MAN1C1: variants seen among roughly 807,000 people sequenced by gnomAD.
MAN1C1 encodes the protein mannosidase alpha class 1C member 1.
MAN1C1 carries 49 observed loss-of-function variants against 71.5 expected under a neutral mutation model. The ratio of observed to expected loss-of-function variants is 0.69; its 90% CI spans 0.54 to 0.87. The LOEUF (loss-of-function observed/expected upper bound fraction) is 0.87. Among genes scored for constraint, MAN1C1 ranks in the 40% least tolerant of loss-of-function variants. The pLI, the probability that MAN1C1 is intolerant of heterozygous loss-of-function variation, is 0.00. For missense variants in MAN1C1, 743 were observed against 835.0 expected, an observed-to-expected ratio of 0.89 and a Z score of 1.36; for synonymous variants, 352 against 343.7, an observed-to-expected ratio of 1.02 and a Z score of -0.27.
intron 2 of MAN1C1, among the ~76,000 whole-genome samples, chr1:25,692,305 G>A (rs905748580): frequency 1.3e-5 from 2 of 152,222 alleles, no homozygotes; most frequent in Non-Finnish European, 2.9e-5. Flanking sequence ...TCTCTTAGGA[G>A]GTGTATGATT....
At chr1:25,734,953 C>T (rs142957724) in intron 2 of MAN1C1, among the ~76,000 whole-genome samples, 2,571 of 152,310 alleles carry the variant, frequency 0.017, 31 homozygotes, top group Middle Eastern at 0.082. Flanking sequence ...AACATTTTAT[C>T]TAGAAGTTAA....
chr1:25,755,200 A>ACCT (rs2047270295), intron 5 of MAN1C1, among the ~76,000 whole-genome samples: 1 of 151,966 alleles, frequency 6.6e-6, no homozygotes. Flanking sequence ...TGTGAGCTGC[A>ACCT]CCTCCTCACT....
intron 1 of MAN1C1, among the ~76,000 whole-genome samples, chr1:25,661,877 C>T (rs1165193858): frequency 3.9e-5 from 6 of 152,326 alleles, no homozygotes; most frequent in African/African-American, 1.4e-4. Flanking sequence ...AAATACAAGT[C>T]CTACCCCACA....
At chr1:25,633,903 T>G (rs141025824) in intron 1 of MAN1C1, among the ~76,000 whole-genome samples, 1 of 152,228 alleles carries the variant, frequency 6.6e-6, no homozygotes. Flanking sequence ...TCTGTTTTGG[T>G]GCATATCAAG....
At chr1:25,724,895 T>C (rs960371102) in intron 2 of MAN1C1, among the ~76,000 whole-genome samples, 1 of 152,146 alleles carries the variant, frequency 6.6e-6, no homozygotes, top group Non-Finnish European at 1.5e-5. Context: ...AGTAGTACAC[T>C]CTCCAGGCCC....
At chr1:25,758,291 A>G (rs953539394) in intron 5 of MAN1C1, among the ~76,000 whole-genome samples, 1 of 152,180 alleles carries the variant, frequency 6.6e-6, no homozygotes, top group African/African-American at 2.4e-5. Context: ...CTGTAAATTC[A>G]GCATAACTCT....
intron 2 of MAN1C1, among the ~76,000 whole-genome samples, chr1:25,703,382 G>A (rs1020326640): frequency 5.4e-4 from 83 of 152,294 alleles, no homozygotes; most frequent in African/African-American, 1.9e-3. Flanking sequence ...CTGATGTTTG[G>A]TGAAAGTGGG....
intron 2 of MAN1C1, among the ~76,000 whole-genome samples, chr1:25,722,829 C>T (rs1448077269): frequency 6.6e-6 from 1 of 152,124 alleles, no homozygotes; most frequent in African/African-American, 2.4e-5. Context: ...TGAGTGGGCT[C>T]TGCTGACTGA....
chr1:25,661,138 C>T (rs138683634), intron 1 of MAN1C1, among the ~76,000 whole-genome samples: 199 of 152,148 alleles, frequency 1.3e-3, no homozygotes, highest in African/African-American at 4.7e-3. Flanking sequence ...TATCAACCAT[C>T]GCCCATGTTG....
intron 1 of MAN1C1, among the ~76,000 whole-genome samples, chr1:25,662,821 G>A (rs940076452): frequency 1.3e-5 from 2 of 152,134 alleles, no homozygotes; most frequent in African/African-American, 4.8e-5. Context: ...CAGCACTTTG[G>A]GAGGCCAAGG....
chr1:25,784,040 T>G lies in MAN1C1; in HGVS notation c.*251T>G. 1 of 420,178 alleles carries G rather than the reference T, an allele frequency of 2.4e-6. No homozygotes were observed. 26.0% of individuals were successfully genotyped at this position (420,178 alleles called of 1,614,324 possible). A position where few individuals can be genotyped will look rare whatever the true frequency, so the allele number is the denominator to read the frequency against. On this transcript the variant is annotated 3_prime_UTR_variant, in exon 12 of 12. Transcript: ENST00000374332. ...GAGAATTTCTATGAAGCCCACTCAC[T>G]TGCCATTCCAGGGCCAAAGGACCGG...
At chr1:25,747,383 C>T (rs1246246051) in intron 3 of MAN1C1, among the ~76,000 whole-genome samples, 1 of 152,234 alleles carries the variant, frequency 6.6e-6, no homozygotes, top group Non-Finnish European at 1.5e-5. Flanking sequence ...CAGCCTTGAA[C>T]ACCACAGCCC....
intron 2 of MAN1C1, among the ~76,000 whole-genome samples, chr1:25,690,848 T>G (rs1359500320): frequency 5.3e-5 from 8 of 152,226 alleles, no homozygotes; most frequent in Admixed American, 3.3e-4. Flanking sequence ...ATTGCCATTA[T>G]GTCACAGAGG....
chr1:25,740,668 C>T (rs1208676481), intron 2 of MAN1C1, among the ~76,000 whole-genome samples: 1 of 152,046 alleles, frequency 6.6e-6, no homozygotes, highest in Non-Finnish European at 1.5e-5. Flanking sequence ...GATCTCCTGA[C>T]CTCGTGATCC....
chr1:25,651,911 C>G (rs1403608712), intron 1 of MAN1C1, among the ~76,000 whole-genome samples: 1 of 152,212 alleles, frequency 6.6e-6, no homozygotes, highest in African/African-American at 2.4e-5. Context: ...TCCCACGTGA[C>G]TATAATGGGT....
rs565325843 is a variant in MAN1C1, at chr1:25,723,624, G to A, written c.638-23044G>A. On this transcript the variant is annotated intron_variant, in intron 2 of 11. Transcript: ENST00000374332. ...TTAGTGGAGTTTCTGGGTGGAAATA[G>A]GGCTAGTGCATTCATTGAACTCACA... Among the ~76,000 whole-genome samples the A allele has an allele frequency of 5.9e-5, 9 of 152,266 alleles. No individual in the cohort carries two copies. The South Asian group carries it at 1.9e-3, about 32-fold the overall frequency.
intron 2 of MAN1C1, among the ~76,000 whole-genome samples, chr1:25,743,198 G>A (rs1284519978): frequency 6.6e-6 from 1 of 152,174 alleles, no homozygotes; most frequent in Non-Finnish European, 1.5e-5. Context: ...ACGCGGGGCT[G>A]CTGATTTCTG....
intron 1 of MAN1C1, among the ~76,000 whole-genome samples, chr1:25,661,623 C>G (rs767311199): frequency 6.6e-6 from 1 of 152,064 alleles, no homozygotes; most frequent in Non-Finnish European, 1.5e-5. Context: ...GCTGGGAACT[C>G]GAGACTGAGG....
chr1:25,627,888 CA>C (rs1158062499), intron 1 of MAN1C1, among the ~76,000 whole-genome samples: 2 of 146,482 alleles, frequency 1.4e-5, no homozygotes, highest in Admixed American at 6.8e-5. Context: ...AAAAAAAATA[CA>C]AAAATTATCC....
Sources: allele counts gnomAD v4.1 joint callset (sites outside exome capture counted in the v4.1 genomes callset), GRCh38; gene constraint gnomAD v4.1.1; transcripts MANE v1.5; gene names NCBI Gene and HGNC (gene_info 2026-07-23, HGNC 2026-07-21).